The following DOCK3 variants were observed in gnomAD, a reference collection of about 807,000 sequenced individuals.
DOCK3 encodes dedicator of cytokinesis 3, also known as dedicator of cytokinesis protein 3.
In DOCK3, 60 loss-of-function variants were observed where a neutral mutation model predicts 265.6. That is an observed-to-expected ratio of 0.23 (90% CI 0.18 to 0.28). The LOEUF is 0.28. Among genes scored for constraint, DOCK3 ranks in the 10% least tolerant of loss-of-function variants. The pLI is 1.00. For missense variants in DOCK3, 1,981 were observed against 2,594.3 expected (o/e 0.76, Z 5.14); for synonymous variants, 881 against 938.0 (o/e 0.94, Z 1.11).
chr3:51,144,372 T>C (rs1576226887), intron 9 of DOCK3, among the ~76,000 whole-genome samples: 2 of 152,228 alleles, frequency 1.3e-5, no homozygotes, highest in South Asian at 4.1e-4. Context: ...GTTTTGTCCT[T>C]GTTACATGTG....
intron 1 of DOCK3, among the ~76,000 whole-genome samples, chr3:50,771,455 G>A (rs752475734): frequency 1.3e-4 from 20 of 152,184 alleles, no homozygotes; most frequent in Admixed American, 4.6e-4. Flanking sequence ...AACAAGTGCT[G>A]GTGAGGATGT....
At chr3:51,262,991 A>G (rs942373285) in intron 23 of DOCK3, among the ~76,000 whole-genome samples, 2 of 152,182 alleles carry the variant, frequency 1.3e-5, no homozygotes, top group African/African-American at 2.4e-5. Context: ...GTTGGAAAAC[A>G]CTCTTCAGGA....
At chr3:50,897,006 T>C (rs1431486656) in intron 4 of DOCK3, among the ~76,000 whole-genome samples, 4 of 152,194 alleles carry the variant, frequency 2.6e-5, no homozygotes, top group African/African-American at 9.7e-5. Context: ...AAGTAGTTTT[T>C]TTCTAAACTG....
chr3:51,368,720 A>G (rs568613555), intron 49 of DOCK3, among the ~76,000 whole-genome samples: 1 of 152,326 alleles, frequency 6.6e-6, no homozygotes, highest in African/African-American at 2.4e-5. Flanking sequence ...TTCTCCCAGC[A>G]TGGAGTTTAA....
intron 5 of DOCK3, among the ~76,000 whole-genome samples, chr3:50,976,881 C>A (rs2077470475): frequency 6.6e-6 from 1 of 150,696 alleles, no homozygotes; most frequent in Non-Finnish European, 1.5e-5. Context: ...TGAATTGATC[C>A]CTTTACCATT....
At chr3:50,702,511 A>G (rs2036111692) in intron 1 of DOCK3, among the ~76,000 whole-genome samples, 1 of 151,968 alleles carries the variant, frequency 6.6e-6, no homozygotes, top group African/African-American at 2.4e-5. Context: ...TTATAGGTGT[A>G]CATCACCACA....
At chr3:50,830,222 T>C (rs563743688) in intron 2 of DOCK3, among the ~76,000 whole-genome samples, 1 of 152,332 alleles carries the variant, frequency 6.6e-6, no homozygotes, top group African/African-American at 2.4e-5. Flanking sequence ...ATCAGTATTT[T>C]TAAAAGGGTG....
intron 1 of DOCK3, among the ~76,000 whole-genome samples, chr3:50,724,756 A>G (rs987566095): frequency 3.3e-5 from 5 of 152,200 alleles, no homozygotes; most frequent in Non-Finnish European, 7.3e-5. Context: ...TGATGGGTGT[A>G]GCAAACCAAC....
rs112343054 is a variant in DOCK3 at position 51,129,313 on chromosome 3, G to A, written c.747-17236G>A. 6.2e-3 allele frequency among the ~76,000 whole-genome samples: 950 copies of A among 152,234 alleles called. 8 individuals are homozygous for A. The highest frequency in any genetic ancestry group is 0.021 in the African/African-American group (892 of 41,526). Reference sequence around the variant, plus strand: ...CACTTTCGGGTGGTGCCTGCATATCGCGCAGAGCCACCTGTGAACCAGGCC... The same window carrying A: ...CACTTTCGGGTGGTGCCTGCATATCACGCAGAGCCACCTGTGAACCAGGCC... On this transcript the variant is annotated intron_variant, in intron 9 of 52. Coordinates refer to ENST00000266037, the MANE Select transcript of DOCK3 (RefSeq NM_004947.5).
chr3:51,233,523 G>A (rs552460043), intron 19 of DOCK3, among the ~76,000 whole-genome samples: 8 of 152,088 alleles, frequency 5.3e-5, no homozygotes, highest in African/African-American at 1.9e-4. Flanking sequence ...GTGCCACCAC[G>A]CCTGGCTAAT....
intron 3 of DOCK3, among the ~76,000 whole-genome samples, chr3:50,873,675 AG>A (rs1310498108): frequency 6.6e-6 from 1 of 152,200 alleles, no homozygotes; most frequent in African/African-American, 2.4e-5. Context: ...AGAGCCCCAG[AG>A]CCTTTAGCCT....
chr3:50,703,839 A>ATT (rs34223701), intron 1 of DOCK3, among the ~76,000 whole-genome samples: 1 of 151,324 alleles, frequency 6.6e-6, no homozygotes, highest in Non-Finnish European at 1.5e-5. Flanking sequence ...TTCATCTGTA[A>ATT]TTTTTTTATT....
rs190761445 is a variant in DOCK3 at position 51,314,853 on chromosome 3, T to C, written c.3254-127T>C. The stretch of plus-strand genomic sequence containing the variant: ...TGAGGGAGAGTACCTCAGAAAACCA[T>C]AGGGGAGAGCTTGTTTTGCTCTCAG... On this transcript the variant is annotated intron_variant, in intron 31 of 52. Transcript: ENST00000266037. The C allele has an allele frequency of 3.6e-5, 42 of 1,166,932 alleles. No homozygotes were observed. The African/African-American group carries it at 5.6e-4, about 16-fold the overall frequency. The allele number at this position is 1,166,932 out of a possible 1,614,324, so 72.3% of individuals were successfully genotyped here.
At chr3:50,977,972 C>T (rs1419557020) in intron 5 of DOCK3, among the ~76,000 whole-genome samples, 3 of 152,238 alleles carry the variant, frequency 2.0e-5, no homozygotes, top group African/African-American at 7.2e-5. Flanking sequence ...CCGTTGTTCT[C>T]GAGCCTTGGT....
At chr3:50,844,846 A>G (rs1013726648) in intron 3 of DOCK3, among the ~76,000 whole-genome samples, 4 of 152,214 alleles carry the variant, frequency 2.6e-5, no homozygotes, top group African/African-American at 7.2e-5. Flanking sequence ...TTATAATTTT[A>G]GAGACCAAAG....
chr3:50,862,303 C>T (rs1007236487), intron 3 of DOCK3, among the ~76,000 whole-genome samples: 2 of 152,192 alleles, frequency 1.3e-5, no homozygotes, highest in Admixed American at 6.5e-5. Flanking sequence ...ATATATCGTT[C>T]AGGGCAGAGG....
chr3:51,202,587 G>A (rs1576397852), intron 12 of DOCK3, among the ~76,000 whole-genome samples: 1 of 152,060 alleles, frequency 6.6e-6, no homozygotes, highest in South Asian at 2.1e-4. Flanking sequence ...TCTACCAGAG[G>A]TACAAGGAGG....
intron 5 of DOCK3, among the ~76,000 whole-genome samples, chr3:51,048,672 CA>C (rs1327252372): frequency 6.6e-6 from 1 of 152,126 alleles, no homozygotes; most frequent in African/African-American, 2.4e-5. Context: ...TTGGCATCAT[CA>C]TCATTCCTGA....
At chr3:51,373,152 C>G (rs1218565350) in intron 49 of DOCK3, among the ~76,000 whole-genome samples, 1 of 152,194 alleles carries the variant, frequency 6.6e-6, no homozygotes, top group Non-Finnish European at 1.5e-5. Flanking sequence ...AGGAATTTCT[C>G]AAGGACTCCT....
Sources: gnomAD v4.1 joint callset for allele counts (sites outside exome capture counted in the v4.1 genomes callset) on GRCh38, gnomAD v4.1.1 for gene constraint, MANE v1.5 for transcripts, NCBI Gene and HGNC (gene_info 2026-07-23, HGNC 2026-07-21) for gene names.